PUM2: variants seen among roughly 807,000 people sequenced by gnomAD.
The protein encoded by PUM2 is pumilio homolog 2.
Under a neutral mutation model 124.5 loss-of-function variants are expected in PUM2, and 57 were observed. That is an observed-to-expected ratio of 0.46 (90% CI 0.37 to 0.57). The LOEUF (loss-of-function observed/expected upper bound fraction) is 0.57. Ranked by LOEUF, PUM2 falls within the 20% of genes least tolerant of loss-of-function variation. The pLI is 0.00. For missense variants in PUM2, 1,065 were observed against 1,290.6 expected (o/e 0.83, Z 2.68); for synonymous variants, 460 against 446.1 (o/e 1.03, Z -0.39).
At chr2:20,309,040 T>TTAA (rs1679004974) in intron 5 of PUM2, among the ~76,000 whole-genome samples, 1 of 152,166 alleles carries the variant, frequency 6.6e-6, no homozygotes, top group African/African-American at 2.4e-5. Context: ...AACATCCTGC[T>TTAA]TAATAATACT....
chr2:20,343,446 C>G (rs1687614707), intron 1 of PUM2, among the ~76,000 whole-genome samples: 1 of 151,998 alleles, frequency 6.6e-6, no homozygotes, highest in African/African-American at 2.4e-5. Context: ...ATAAAAATAA[C>G]TAAGTAATTT....
chr2:20,344,999 A>AAG (rs1553412125), intron 1 of PUM2, among the ~76,000 whole-genome samples: 3 of 149,124 alleles, frequency 2.0e-5, no homozygotes, highest in Non-Finnish European at 3.0e-5. Context: ...AAAAAAAAAA[A>AAG]AAAAAGAAAA....
intron 4 of PUM2, 108 bp from the exon 5 acceptor site, chr2:20,311,771 T>C (rs1490983999): frequency 4.4e-6 from 5 of 1,148,872 alleles, no homozygotes; most frequent in East Asian, 2.7e-5. Flanking sequence ...AATAAAAGCA[T>C]TGAATCTTAT....
chr2:20,298,261 G>GAA (rs1676113458), intron 7 of PUM2, among the ~76,000 whole-genome samples: 1 of 152,158 alleles, frequency 6.6e-6, no homozygotes, highest in Non-Finnish European at 1.5e-5. Context: ...GAGGTATAGT[G>GAA]TAAGATAAAA....
At chr2:20,343,189 G>A (rs1687568477) in intron 1 of PUM2, among the ~76,000 whole-genome samples, 2 of 152,122 alleles carry the variant, frequency 1.3e-5, no homozygotes, top group African/African-American at 4.8e-5. Flanking sequence ...TTAAGCAAAT[G>A]TTTGGAAGAC....
At chr2:20,279,392 T>C (rs1670983376) in intron 12 of PUM2, among the ~76,000 whole-genome samples, 1 of 152,192 alleles carries the variant, frequency 6.6e-6, no homozygotes, top group Non-Finnish European at 1.5e-5. Flanking sequence ...CAGTATTTTT[T>C]ACACTACGCA....
chr2:20,328,044 C>G (rs1337550544), intron 1 of PUM2, among the ~76,000 whole-genome samples: 1 of 152,104 alleles, frequency 6.6e-6, no homozygotes, highest in Non-Finnish European at 1.5e-5. Context: ...CCAACAAAAC[C>G]CAACATTTGG....
chr2:20,297,675 C>T lies in PUM2; in HGVS notation c.887G>A (p.Gly296Asp), dbSNP rs777191656. Residue 296 changes from glycine (G) to aspartate (D), a missense_variant, in exon 8 of 21, where the codon GGT becomes GAT. This residue lies in a region of PUM2 where 968 missense variants were observed against 1,159.8 expected (regional missense o/e 0.83). Transcript: ENST00000361078. The stretch of plus-strand genomic sequence containing the variant: ...TGGAGCAAGGCCTGCTGAGAATACA[C>T]CAGCTATATTTTAAAAGGGGAGAAA... ...LAAAQQPHIAGVFSAGLAPAA... is the reference protein window; with the variant it reads ...LAAAQQPHIADVFSAGLAPAA... The T allele has an allele frequency of 6.2e-6, 10 of 1,607,196 alleles. No homozygotes were observed. Among genetic ancestry groups the T allele is most frequent in the Non-Finnish European group, 8.5e-6 (10 of 1,177,400 alleles).
At chr2:20,279,551 C>A (rs907377254) in intron 12 of PUM2, among the ~76,000 whole-genome samples, 6 of 152,212 alleles carry the variant, frequency 3.9e-5, no homozygotes, top group African/African-American at 1.4e-4. Context: ...TCCTGAGCCC[C>A]TTACTCAAGG....
rs1476927188 is a variant in PUM2, at chr2:20,332,835, G to C, written c.-18-5457C>G. On this transcript the variant is annotated intron_variant, in intron 1 of 20. Coordinates refer to ENST00000361078, the MANE Select transcript of PUM2 (RefSeq NM_015317.5). ...TTATATACTATTTCACTGTTTATTT[G>C]AAAAAAATGTATTCAGGAGTATGGC... 3.3e-5 allele frequency: 5 copies of C among 152,118 alleles called. No individual in the cohort carries two copies. The East Asian group carries it at 9.6e-4, about 29-fold the overall frequency. The allele number at this position is 152,118 out of a possible 1,614,324, so 9.4% of individuals were successfully genotyped here. A position where few individuals can be genotyped will look rare whatever the true frequency, so the allele number is the denominator to read the frequency against.
intron 13 of PUM2, among the ~76,000 whole-genome samples, chr2:20,267,230 T>C (rs1186795141): frequency 6.6e-6 from 1 of 152,002 alleles, no homozygotes. Flanking sequence ...TTCACCATGT[T>C]GGCTAGGCTG....
At chr2:20,289,168 G>A (rs1359970123) in intron 10 of PUM2, among the ~76,000 whole-genome samples, 1 of 152,008 alleles carries the variant, frequency 6.6e-6, no homozygotes, top group South Asian at 2.1e-4. Context: ...GTGGTGGCAC[G>A]TGCCTAAGAA....
rs538575714 is a variant in PUM2, at chr2:20,350,603, G to A, written c.-25C>T. On this transcript the variant is annotated 5_prime_UTR_variant, in exon 1 of 21. Transcript: ENST00000361078. ...CGAACGCGGACTGACTTACAGGGCT[G>A]CTGCGGCCGCGCTGCCTCAGCCGGG... 4.1e-6 allele frequency: 4 copies of A among 985,490 alleles called. No individual in the cohort carries two copies. In the South Asian group the frequency reaches 1.9e-4, roughly 46 times the overall value. The allele number at this position is 985,490 out of a possible 1,614,324, so 61.0% of individuals were successfully genotyped here. A position where few individuals can be genotyped will look rare whatever the true frequency, so the allele number is the denominator to read the frequency against.
chr2:20,260,372 C>T lies in PUM2; in HGVS notation c.2320G>A (p.Val774Ile). ...LQAAYQLMTDVFGNYVIQKFF... is the reference protein window; with the variant it reads ...LQAAYQLMTDIFGNYVIQKFF... ...TTCTGTATAACATAGTTGCCAAAAA[C>T]ATCAGTCATTAATTGATAGGCTGCT... is the stretch of plus-strand genomic sequence containing the variant. The change falls in exon 15 of 21, where the codon GTT (valine) becomes ATT (isoleucine). Residue 774 changes from valine (V) to isoleucine (I), a missense_variant. Physicochemically the swap from Val to Ile is conservative, Grantham distance 29. Transcript: ENST00000361078. 6.2e-7 allele frequency: 1 copy of T among 1,612,440 alleles called. No individual in the cohort carries two copies. Among genetic ancestry groups the T allele is most frequent in the Non-Finnish European group, 8.5e-7 (1 of 1,179,056 alleles).
chr2:20,283,395 A>C lies in PUM2; in HGVS notation c.1383T>G (p.Val461=). The C allele has an allele frequency of 6.2e-7, 1 of 1,614,096 alleles. No individual in the cohort carries two copies. Among genetic ancestry groups the C allele is most frequent in the Non-Finnish European group, 8.5e-7 (1 of 1,180,016 alleles). ...PGARTGLGAP[V]RLMAPTPVLI... Reference sequence around the variant, plus strand: ...AAACAGGTGTTGGAGCCATTAACCGAACTGGAGCTCCAAGGCCAGTCCTTG... The same window carrying C: ...AAACAGGTGTTGGAGCCATTAACCGCACTGGAGCTCCAAGGCCAGTCCTTG... The change falls in exon 11 of 21, where the codon GTT becomes GTG. Residue 461 remains valine, a synonymous_variant. Coordinates refer to ENST00000361078, the MANE Select transcript of PUM2 (RefSeq NM_015317.5).
At chr2:20,270,478 T>C (rs1387396922) in intron 13 of PUM2, among the ~76,000 whole-genome samples, 1 of 152,172 alleles carries the variant, frequency 6.6e-6, no homozygotes, top group Non-Finnish European at 1.5e-5. Flanking sequence ...TGGGTACATT[T>C]ATTGTCTCTC....
At chr2:20,339,281 T>G (rs1686746144) in intron 1 of PUM2, among the ~76,000 whole-genome samples, 1 of 151,902 alleles carries the variant, frequency 6.6e-6, no homozygotes, top group African/African-American at 2.4e-5. Context: ...CTTGGGAGAT[T>G]GAGGTGGCAA....
intron 13 of PUM2, among the ~76,000 whole-genome samples, chr2:20,267,025 A>ATTTTTTTTTTTTTT (rs1667819293): frequency 6.8e-6 from 1 of 146,208 alleles, no homozygotes; most frequent in African/African-American, 2.6e-5. Context: ...CATGCCTGTA[A>ATTTTTTTTTTTTTT]CTTTTTTTTT....
Position 20,294,474 on chromosome 2 carries a change from C to A in PUM2, c.1054G>T (p.Val352Leu), listed in dbSNP as rs777804218. 13 of 1,613,748 alleles carry A rather than the reference C, an allele frequency of 8.1e-6. No homozygotes were observed. Among genetic ancestry groups the A allele is most frequent in the Middle Eastern group, 1.6e-4 (1 of 6,080 alleles). ...PPQYYGVPWG[V>L]YPANLFQQQA... ...TGCTGAAATAAGTTGGCTGGATACA[C>A]CCCCCATGGAACGCCGTAATACTGA... is the stretch of plus-strand genomic sequence containing the variant. Residue 352 changes from valine to leucine, a missense_variant, in exon 9 of 21, where the codon GTG (valine) becomes TTG (leucine). Val to Leu is a conservative substitution (Grantham distance 32, BLOSUM62 1). Coordinates refer to ENST00000361078, the MANE Select transcript of PUM2 (RefSeq NM_015317.5).
Sources: gnomAD v4.1 joint callset for allele counts (sites outside exome capture counted in the v4.1 genomes callset) on GRCh38, gnomAD v4.1.1 for gene constraint, gnomAD v4.1.1 regional missense constraint, MANE v1.5 for transcripts, NCBI Gene and HGNC (gene_info 2026-07-23, HGNC 2026-07-21) for gene names.